The following PRKN variants were observed in gnomAD, a reference collection of about 807,000 sequenced individuals.
PRKN encodes the protein E3 ubiquitin-protein ligase parkin.
Under a neutral mutation model 59.5 loss-of-function variants are expected in PRKN, and 56 were observed. The observed-to-expected ratio is 0.94, with a 90% CI of 0.76 to 1.18. The LOEUF (loss-of-function observed/expected upper bound fraction) is 1.18, where lower values mean the gene tolerates loss of function less well. Ranked by LOEUF, PRKN falls within the 50% of genes most tolerant of loss-of-function variation. PRKN has a pLI of 0.00. For missense variants in PRKN, 657 were observed against 596.4 expected (o/e 1.10, Z -1.06); for synonymous variants, 250 against 222.1 (o/e 1.13, Z -1.12).
intron 9 of PRKN, among the ~76,000 whole-genome samples, chr6:161,392,011 T>C (rs542202912): frequency 1.5e-4 from 23 of 152,128 alleles, no homozygotes; most frequent in African/African-American, 5.5e-4. Context: ...CACATATATA[T>C]GCATATATGT....
intron 1 of PRKN, among the ~76,000 whole-genome samples, chr6:162,499,882 C>T (rs527599364): frequency 6.6e-6 from 1 of 152,090 alleles, no homozygotes; most frequent in Non-Finnish European, 1.5e-5. Context: ...ATCATCTTTT[C>T]TAGGTTTTAA....
chr6:162,104,675 A>G (rs1477721410), intron 4 of PRKN, among the ~76,000 whole-genome samples: 3 of 152,190 alleles, frequency 2.0e-5, no homozygotes, highest in Admixed American at 6.5e-5. Context: ...GCATTTCTCA[A>G]CAAGCCCACC....
intron 6 of PRKN, among the ~76,000 whole-genome samples, chr6:161,948,889 C>T (rs919240144): frequency 1.3e-5 from 2 of 152,176 alleles, no homozygotes; most frequent in African/African-American, 4.8e-5. Flanking sequence ...TGCCATTATC[C>T]GTACATGTTC....
At chr6:162,512,631 A>T (rs564804068) in intron 1 of PRKN, among the ~76,000 whole-genome samples, 2 of 152,332 alleles carry the variant, frequency 1.3e-5, no homozygotes, top group East Asian at 3.9e-4. Context: ...TATTACAAAA[A>T]TCAAAATTAT....
At chr6:161,973,198 T>C in intron 6 of PRKN, 104 bp downstream of exon 6, 4 of 787,130 alleles carry the variant, frequency 5.1e-6, no homozygotes, top group Admixed American at 3.8e-5. Context: ...GGAAGGCTCG[T>C]GTGGCAGAAC....
At chr6:162,211,666 T>C (rs1033418517) in intron 3 of PRKN, among the ~76,000 whole-genome samples, 7 of 152,186 alleles carry the variant, frequency 4.6e-5, no homozygotes, top group Non-Finnish European at 8.8e-5. Context: ...ATAGCCAATA[T>C]AATTAGTTTT....
chr6:162,513,309 C>G (rs371083350), intron 1 of PRKN, among the ~76,000 whole-genome samples: 20 of 151,316 alleles, frequency 1.3e-4, no homozygotes, highest in Admixed American at 4.0e-4. Context: ...TAAAACTTCA[C>G]CTCTACTAAA....
intron 1 of PRKN, among the ~76,000 whole-genome samples, chr6:162,459,791 T>C (rs975854378): frequency 6.6e-6 from 1 of 152,212 alleles, no homozygotes; most frequent in African/African-American, 2.4e-5. Flanking sequence ...TTTTCAAAAA[T>C]GATTCGGAAC....
chr6:162,651,797 T>C, intron 1 of PRKN, among the ~76,000 whole-genome samples: 1 of 152,276 alleles, frequency 6.6e-6, no homozygotes, highest in East Asian at 1.9e-4. Flanking sequence ...TAAAATTATT[T>C]CATGATAATG....
At chr6:161,901,377 G>A (rs1583320678) in intron 6 of PRKN, among the ~76,000 whole-genome samples, 4 of 152,266 alleles carry the variant, frequency 2.6e-5, no homozygotes, top group Admixed American at 2.0e-4. Context: ...CTGCCTGGGG[G>A]AGAGAAAAAG....
intron 9 of PRKN, among the ~76,000 whole-genome samples, chr6:161,510,588 G>T (rs1049484964): frequency 1.3e-5 from 2 of 152,170 alleles, no homozygotes; most frequent in Non-Finnish European, 2.9e-5. Context: ...AGAGTTCTGG[G>T]TATAGAAAGG....
Position 161,526,532 on chromosome 6 carries a change from T to G in PRKN, c.1083+22322A>C, listed in dbSNP as rs568996352. 2.0e-5 allele frequency among the ~76,000 whole-genome samples: 3 copies of G among 151,232 alleles called. No homozygotes were observed. In the East Asian group the frequency reaches 5.8e-4, roughly 29 times the overall value. On this transcript the variant is annotated intron_variant, in intron 9 of 11. Coordinates refer to ENST00000366898, the MANE Select transcript of PRKN (RefSeq NM_004562.3). The surrounding 1 kb of genome is among the most constrained non-coding windows in gnomAD (Gnocchi z 4.1). ...TACATGCTATAACCATTAGAAGCTC[T>G]GCTAACATCTTAAATAAAATAGAAA...
rs981044265 is a variant in PRKN, at chr6:161,377,151, C to A, written c.1167+9643G>T. On this transcript the variant is annotated intron_variant, in intron 10 of 11. Transcript: ENST00000366898. The surrounding 1 kb of genome is among the most constrained non-coding windows in gnomAD (Gnocchi z 4.2). ...CTGCGGGCCAATAAGAGCATCCCAG[C>A]AAAGATTTTGGGGGTTCAGCAGCTG... 6.6e-6 allele frequency among the ~76,000 whole-genome samples: 1 copy of A among 152,198 alleles called. No homozygotes were observed. Among genetic ancestry groups the A allele is most frequent in the Non-Finnish European group, 1.5e-5 (1 of 68,038 alleles).
intron 1 of PRKN, among the ~76,000 whole-genome samples, chr6:162,558,298 T>C (rs991355491): frequency 3.9e-5 from 6 of 151,972 alleles, no homozygotes; most frequent in African/African-American, 1.5e-4. Context: ...ATATTTTCAC[T>C]GACTTTTAAG....
At chr6:161,639,893 G>T (rs1321338175) in intron 7 of PRKN, among the ~76,000 whole-genome samples, 1 of 152,174 alleles carries the variant, frequency 6.6e-6, no homozygotes, top group African/African-American at 2.4e-5. Context: ...CTCTGTGGGG[G>T]ACTGCTGACT....
chr6:162,438,214 A>C (rs1008139582), intron 2 of PRKN, among the ~76,000 whole-genome samples: 1 of 152,160 alleles, frequency 6.6e-6, no homozygotes, highest in Non-Finnish European at 1.5e-5. Flanking sequence ...TAGAAATCTT[A>C]CCTTTCCTTG....
rs75648134 is a variant in PRKN, at chr6:161,436,535, A to G, written c.1084-49658T>C. 7.9e-3 allele frequency among the ~76,000 whole-genome samples: 1,196 copies of G among 151,794 alleles called. 13 individuals are homozygous for G. The highest frequency in any genetic ancestry group is 0.06 in the East Asian group (310 of 5,164). ...TGCTCCCTGGGAGGGTTAAATTTTTAATGATTTGTAATGTCCTGGTAGGTT... is the reference window on the plus strand; with the variant it reads ...TGCTCCCTGGGAGGGTTAAATTTTTGATGATTTGTAATGTCCTGGTAGGTT... On this transcript the variant is annotated intron_variant, in intron 9 of 11. Transcript: ENST00000366898.
chr6:162,309,632 G>A lies in PRKN; in HGVS notation c.172-46867C>T, dbSNP rs182736378. On this transcript the variant is annotated intron_variant, in intron 2 of 11. Transcript: ENST00000366898. ...AAAAATCTTTCTACTTACACTGTGC[G>A]TAAGCTGTATGGAAAAAGTTGTACT... 1.9e-3 allele frequency among the ~76,000 whole-genome samples: 271 copies of A among 143,490 alleles called. 1 individual carries two copies. Among genetic ancestry groups the A allele is most frequent in the African/African-American group, 7.9e-3 (263 of 33,434 alleles). The allele number at this position is 143,490 out of a possible 152,430, so 94.1% of individuals were successfully genotyped here.
Position 161,410,928 on chromosome 6 carries a change from T to C in PRKN, c.1084-24051A>G, listed in dbSNP as rs927871536. On this transcript the variant is annotated intron_variant, in intron 9 of 11. Transcript: ENST00000366898. The surrounding 1 kb of genome is among the most constrained non-coding windows in gnomAD (Gnocchi z 5.3). The stretch of plus-strand genomic sequence containing the variant: ...CGATGGTTTGATCATGTTTACAAAA[T>C]CTGGCTAAACAGGAAGTTTCATCCT... Among the ~76,000 whole-genome samples, 2 of 152,158 alleles carry C rather than the reference T, an allele frequency of 1.3e-5. No homozygotes were observed. The highest frequency in any genetic ancestry group is 2.9e-5 in the Non-Finnish European group (2 of 68,022).
Sources: allele counts gnomAD v4.1 joint callset (sites outside exome capture counted in the v4.1 genomes callset), GRCh38; gene constraint gnomAD v4.1.1; non-coding constraint Gnocchi (gnomAD v3.1); transcripts MANE v1.5; gene names NCBI Gene and HGNC (gene_info 2026-07-23, HGNC 2026-07-21).